The following MOB1B variants were observed in gnomAD, a reference collection of about 807,000 sequenced individuals.
The protein encoded by MOB1B is MOB kinase activator 1B.
Under a neutral mutation model 24.4 loss-of-function variants are expected in MOB1B, and 19 were observed. That is an observed-to-expected ratio of 0.78 (90% confidence interval 0.54 to 1.14). The LOEUF is 1.14. Ranked by LOEUF, MOB1B falls within the 50% of genes most tolerant of loss-of-function variation. MOB1B has a pLI of 0.00. For synonymous variants in MOB1B, 76 were observed against 82.1 expected (o/e 0.93, Z 0.40); for missense variants, 243 against 259.6 (o/e 0.94, Z 0.44).
intron 3 of MOB1B, among the ~76,000 whole-genome samples, chr4:70,973,053 G>A (rs867393176): frequency 4.6e-5 from 7 of 152,286 alleles, no homozygotes; most frequent in East Asian, 1.9e-4. Flanking sequence ...CATTACAGGC[G>A]TGAGCCACCA....
At chr4:70,971,596 C>T (rs116753195) in intron 3 of MOB1B, among the ~76,000 whole-genome samples, 168 of 151,694 alleles carry the variant, frequency 1.1e-3, no homozygotes, top group African/African-American at 3.8e-3. Flanking sequence ...CTTGTTATTT[C>T]GGGAAGATTT....
chr4:70,919,420 G>T (rs1736334131), intron 1 of MOB1B, among the ~76,000 whole-genome samples: 1 of 151,704 alleles, frequency 6.6e-6, no homozygotes, highest in Admixed American at 6.6e-5. Context: ...TTTTAAAGAA[G>T]TAAAAACCTT....
chr4:70,911,078 G>T (rs1376606472), intron 1 of MOB1B, among the ~76,000 whole-genome samples: 1 of 152,124 alleles, frequency 6.6e-6, no homozygotes, highest in Non-Finnish European at 1.5e-5. Context: ...GAGCCACCGC[G>T]CCCTGCTAAC....
chr4:70,939,825 T>C (rs1225714071), intron 1 of MOB1B, among the ~76,000 whole-genome samples: 4 of 152,162 alleles, frequency 2.6e-5, no homozygotes, highest in Non-Finnish European at 5.9e-5. Context: ...CCGGAGTTCT[T>C]GCCTTGGTGT....
At chr4:70,978,529 CTG>C (rs1447476030) in intron 4 of MOB1B, among the ~76,000 whole-genome samples, 1 of 152,178 alleles carries the variant, frequency 6.6e-6, no homozygotes, top group East Asian at 1.9e-4. Context: ...CCATACCAAT[CTG>C]TGTTCCCACC....
At chr4:70,914,630 C>G (rs150990798) in intron 1 of MOB1B, among the ~76,000 whole-genome samples, 2 of 152,190 alleles carry the variant, frequency 1.3e-5, no homozygotes, top group South Asian at 4.1e-4. Flanking sequence ...GTATATTAAA[C>G]GAGTTCACAT....
chr4:70,957,178 A>G (rs1365701060), intron 1 of MOB1B, among the ~76,000 whole-genome samples: 1 of 147,482 alleles, frequency 6.8e-6, no homozygotes, highest in Non-Finnish European at 1.5e-5. Flanking sequence ...TGTGAATTTA[A>G]TAACATTAAA....
chr4:70,976,910 T>G (rs951347634), intron 4 of MOB1B, among the ~76,000 whole-genome samples: 1 of 151,938 alleles, frequency 6.6e-6, no homozygotes, highest in African/African-American at 2.4e-5. Flanking sequence ...CAAGGAAATG[T>G]AAAAAGAATC....
chr4:70,958,435 G>C (rs1195570158), intron 1 of MOB1B, among the ~76,000 whole-genome samples: 1 of 151,932 alleles, frequency 6.6e-6, no homozygotes, highest in African/African-American at 2.4e-5. Context: ...CAAAGTGCTG[G>C]GATTACAGGT....
intron 4 of MOB1B, 126 bp downstream of exon 4, chr4:70,975,412 G>GC: frequency 7.1e-7 from 1 of 1,408,058 alleles, no homozygotes. Context: ...ATATGTATAT[G>GC]TTACGCAGTT....
intron 1 of MOB1B, among the ~76,000 whole-genome samples, chr4:70,935,840 T>C (rs951546117): frequency 3.6e-5 from 5 of 137,048 alleles, no homozygotes; most frequent in African/African-American, 1.3e-4. Context: ...CCATGCCTGG[T>C]ACACTAATTT....
At chr4:70,916,086 C>T (rs1736183130) in intron 1 of MOB1B, among the ~76,000 whole-genome samples, 1 of 152,158 alleles carries the variant, frequency 6.6e-6, no homozygotes, top group African/African-American at 2.4e-5. Flanking sequence ...TGAACGACTC[C>T]ATTTTAGTTT....
chr4:70,905,736 A>G (rs972025041), intron 1 of MOB1B, among the ~76,000 whole-genome samples: 1 of 152,080 alleles, frequency 6.6e-6, no homozygotes, highest in Non-Finnish European at 1.5e-5. Flanking sequence ...TGAGGGCTCT[A>G]AGATAGAAGG....
intron 1 of MOB1B, among the ~76,000 whole-genome samples, chr4:70,932,563 G>T (rs1276828352): frequency 6.6e-6 from 1 of 152,100 alleles, no homozygotes; most frequent in African/African-American, 2.4e-5. Context: ...CCATTTTGTA[G>T]ATGAGGCAAA....
At chr4:70,946,084 CTTTT>C (rs11331194) in intron 1 of MOB1B, among the ~76,000 whole-genome samples, 7 of 85,386 alleles carry the variant, frequency 8.2e-5, no homozygotes, top group Non-Finnish European at 1.4e-4. Flanking sequence ...TTTGTTTGTT[CTTTT>C]TTTTTTTTTT....
chr4:70,916,432 A>G (rs1736197825), intron 1 of MOB1B, among the ~76,000 whole-genome samples: 2 of 152,192 alleles, frequency 1.3e-5, no homozygotes, highest in South Asian at 2.1e-4. Context: ...TATTATGACT[A>G]TTTGGGAGGG....
intron 5 of MOB1B, among the ~76,000 whole-genome samples, chr4:70,981,149 C>T (rs190731947): frequency 2.0e-5 from 3 of 152,130 alleles, no homozygotes; most frequent in Admixed American, 1.3e-4. Context: ...ATGATATATA[C>T]CCATTTGTGT....
chr4:70,956,099 C>T (rs1249675868), intron 1 of MOB1B, among the ~76,000 whole-genome samples: 1 of 151,966 alleles, frequency 6.6e-6, no homozygotes, highest in East Asian at 1.9e-4. Flanking sequence ...ATTACATTGT[C>T]TCATTAAACT....
At chr4:70,942,358 A>C (rs1216995352) in intron 1 of MOB1B, among the ~76,000 whole-genome samples, 1 of 152,000 alleles carries the variant, frequency 6.6e-6, no homozygotes, top group Non-Finnish European at 1.5e-5. Context: ...GTGGTCTATT[A>C]AAGTGGAATT....
Sources: gnomAD v4.1 joint callset for allele counts (sites outside exome capture counted in the v4.1 genomes callset) on GRCh38, gnomAD v4.1.1 for gene constraint, MANE v1.5 for transcripts, NCBI Gene and HGNC (gene_info 2026-07-23, HGNC 2026-07-21) for gene names.